The following UBR3 variants were observed in gnomAD, a reference collection of about 807,000 sequenced individuals.
UBR3 encodes the protein ubiquitin protein ligase E3 component n-recognin 3, also known as E3 ubiquitin-protein ligase UBR3.
Under a neutral mutation model 243.2 loss-of-function variants are expected in UBR3, and 85 were observed. That is an observed-to-expected ratio of 0.35 (90% CI 0.29 to 0.42). The LOEUF is 0.42. UBR3 is among the 10% of genes least tolerant of loss of function. UBR3 has a pLI of 1.00. For missense variants in UBR3, 1,686 were observed against 2,300.8 expected (o/e 0.73, Z 5.47); for synonymous variants, 748 against 799.8 (o/e 0.94, Z 1.09).
In UBR3 at chr2:169,914,078, C is replaced by T; in HGVS notation, c.1798C>T (p.Arg600Ter). 3 of 1,494,892 alleles carry T rather than the reference C, an allele frequency of 2.0e-6. No individual in the cohort carries two copies. The highest frequency in any genetic ancestry group is 1.4e-5 in the South Asian group (1 of 72,834). 92.6% of individuals were successfully genotyped at this position (1,494,892 alleles called of 1,614,324 possible). A position where few individuals can be genotyped will look rare whatever the true frequency, so the allele number is the denominator to read the frequency against. Residue 600 changes from arginine (R) to a stop codon, truncating the protein, a stop_gained, in exon 11 of 39, where the codon CGA becomes TGA. Coordinates refer to ENST00000272793, the MANE Select transcript of UBR3 (RefSeq NM_172070.4). LOFTEE classifies it high-confidence loss of function. ...CKVRETQEYTRNVVRYCLEAL... is the reference protein window; with the variant it reads ...CKVRETQEYT ...ATTTTAGGAAACTCAAGAGTATACC[C>T]GAAATGTTGTTAGATATTGCCTTGA...
intron 35 of UBR3, among the ~76,000 whole-genome samples, chr2:170,072,050 G>T (rs1157056573): frequency 6.6e-6 from 1 of 152,088 alleles, no homozygotes; most frequent in Non-Finnish European, 1.5e-5. Context: ...AATACCATTT[G>T]ACCCAGCCAT....
chr2:169,857,062 A>ATTT (rs1553494582), intron 1 of UBR3, among the ~76,000 whole-genome samples: 4 of 28,470 alleles, frequency 1.4e-4, no homozygotes, highest in Admixed American at 4.5e-4. Flanking sequence ...TAATTTTATT[A>ATTT]TGTTTTTTTT....
At chr2:170,065,818 T>G (rs1238666206) in intron 35 of UBR3, among the ~76,000 whole-genome samples, 2 of 152,176 alleles carry the variant, frequency 1.3e-5, no homozygotes, top group Non-Finnish European at 1.5e-5. Flanking sequence ...TATATAATTA[T>G]GATCATATAA....
chr2:169,891,302 C>A, intron 6 of UBR3, 71 bp downstream of exon 6: 1 of 1,158,872 alleles, frequency 8.6e-7, no homozygotes, highest in Non-Finnish European at 1.2e-6. Flanking sequence ...ACTAAAAATA[C>A]TTGATGGGCT....
chr2:169,995,684 A>C (rs1212276086), intron 26 of UBR3, among the ~76,000 whole-genome samples: 1 of 152,174 alleles, frequency 6.6e-6, no homozygotes, highest in Non-Finnish European at 1.5e-5. Context: ...TATATAATAA[A>C]ATTTCATTAT....
chr2:169,978,459 G>A (rs1005219511), intron 24 of UBR3, among the ~76,000 whole-genome samples: 5 of 152,098 alleles, frequency 3.3e-5, no homozygotes, highest in African/African-American at 1.2e-4. Flanking sequence ...TTTACCCCGG[G>A]GGAACAGGTC....
At chr2:169,907,178 A>G (rs1450355469) in intron 10 of UBR3, among the ~76,000 whole-genome samples, 1 of 151,636 alleles carries the variant, frequency 6.6e-6, no homozygotes, top group Non-Finnish European at 1.5e-5. Flanking sequence ...CTGGGATTAC[A>G]GGTGTGCACC....
intron 1 of UBR3, among the ~76,000 whole-genome samples, chr2:169,848,257 T>C (rs1306086507): frequency 6.6e-6 from 1 of 152,178 alleles, no homozygotes; most frequent in Non-Finnish European, 1.5e-5. Context: ...ACCTGGTTAT[T>C]TTTGTTTTAG....
chr2:170,016,938 G>T, intron 30 of UBR3: 1 of 665,560 alleles, frequency 1.5e-6, no homozygotes, highest in African/African-American at 2.0e-5. Context: ...ATATTTCTTA[G>T]TTTTTGTATA....
At chr2:170,007,338 A>C in intron 28 of UBR3, 148 bp downstream of exon 28, 1 of 783,170 alleles carries the variant, frequency 1.3e-6, no homozygotes, top group Non-Finnish European at 2.0e-6. Context: ...ATTTATACTT[A>C]AATAAAAGTA....
chr2:170,068,358 C>T (rs1305071442), intron 35 of UBR3, among the ~76,000 whole-genome samples: 1 of 152,020 alleles, frequency 6.6e-6, no homozygotes, highest in Non-Finnish European at 1.5e-5. Context: ...GTCCTAGCTA[C>T]TCAGGAGGCT....
At chr2:170,029,230 T>G in intron 30 of UBR3, 116 bp from the exon 31 acceptor site, 1 of 783,570 alleles carries the variant, frequency 1.3e-6, no homozygotes. Flanking sequence ...CTTGGTGAAT[T>G]TTAATTGTCA....
At chr2:169,941,297 C>G (rs1356297342) in intron 19 of UBR3, among the ~76,000 whole-genome samples, 2 of 152,092 alleles carry the variant, frequency 1.3e-5, no homozygotes, top group Non-Finnish European at 2.9e-5. Context: ...GGTATCCAAA[C>G]CCTATATATA....
intron 11 of UBR3, among the ~76,000 whole-genome samples, chr2:169,916,570 C>T (rs1401538547): frequency 6.6e-6 from 1 of 152,040 alleles, no homozygotes; most frequent in African/African-American, 2.4e-5. Flanking sequence ...GCACCAGACT[C>T]CTCCTCTTTT....
chr2:169,928,907 GT>G, intron 18 of UBR3, 39 bp downstream of exon 18: 1 of 1,321,500 alleles, frequency 7.6e-7, no homozygotes, highest in Non-Finnish European at 9.8e-7. Context: ...TCAAATATCA[GT>G]TCTTGAATGG....
chr2:169,967,487 TA>T (rs1170694315), intron 24 of UBR3, among the ~76,000 whole-genome samples: 1 of 152,196 alleles, frequency 6.6e-6, no homozygotes, highest in African/African-American at 2.4e-5. Context: ...GCTGTGACTC[TA>T]CCACTCTTGT....
chr2:169,851,727 A>G (rs2082663533), intron 1 of UBR3, among the ~76,000 whole-genome samples: 1 of 151,316 alleles, frequency 6.6e-6, no homozygotes, highest in Non-Finnish European at 1.5e-5. Context: ...AGTACTAGTG[A>G]CTCAGGAGGC....
Position 169,828,005 on chromosome 2 carries a change from CG to C in UBR3, c.503del (p.Gly168AlafsTer10). ...HDFNMFRSQA[G>X]GACDCGDSNV... Reference sequence around the variant, plus strand: ...ACTTCAACATGTTCCGCAGCCAGGCCGGGGGCGCCTGCGACTGCGGGGACAG... The same window carrying C: ...ACTTCAACATGTTCCGCAGCCAGGCCGGGGCGCCTGCGACTGCGGGGACAG... On this transcript the variant is annotated frameshift_variant, in exon 1 of 39. Coordinates refer to ENST00000272793, the MANE Select transcript of UBR3 (RefSeq NM_172070.4). LOFTEE classifies it high-confidence loss of function. The C allele has an allele frequency of 4.9e-6, 7 of 1,419,686 alleles. No individual in the cohort carries two copies. Among genetic ancestry groups the C allele is most frequent in the Non-Finnish European group, 4.6e-6 (5 of 1,080,418 alleles). 87.9% of individuals were successfully genotyped at this position (1,419,686 alleles called of 1,614,324 possible).
At chr2:169,897,108 A>G (rs62170315) in intron 8 of UBR3, among the ~76,000 whole-genome samples, 9,915 of 152,228 alleles carry the variant, frequency 0.065, 341 homozygotes, top group Non-Finnish European at 0.084. Context: ...CATAGTGTAC[A>G]TGTCAAAAAC....
Sources: gnomAD v4.1 joint callset for allele counts (sites outside exome capture counted in the v4.1 genomes callset) on GRCh38, gnomAD v4.1.1 for gene constraint, MANE v1.5 for transcripts, NCBI Gene and HGNC (gene_info 2026-07-23, HGNC 2026-07-21) for gene names.